PDZD2: variants seen among roughly 807,000 people sequenced by gnomAD.
PDZD2 encodes the protein PDZ domain-containing protein 2.
A neutral mutation model predicts 220.7 loss-of-function variants in PDZD2; 90 were observed. That is an observed-to-expected ratio of 0.41 (90% confidence interval 0.34 to 0.49). The LOEUF (loss-of-function observed/expected upper bound fraction) is 0.49. Among genes scored for constraint, PDZD2 ranks in the 20% least tolerant of loss-of-function variants. PDZD2 has a pLI of 0.28. For synonymous variants in PDZD2, 1,375 were observed against 1,450.5 expected (o/e 0.95, Z 1.18); for missense variants, 3,174 against 3,608.5 (o/e 0.88, Z 3.08).
chr5:31,935,255 A>G (rs150507979), intron 2 of PDZD2, among the ~76,000 whole-genome samples: 86 of 152,294 alleles, frequency 5.6e-4, no homozygotes, highest in Middle Eastern at 3.4e-3. Context: ...ACCTGCACCA[A>G]AGGTTTTTGG....
At chr5:31,981,332 T>C (rs1424377210) in intron 2 of PDZD2, among the ~76,000 whole-genome samples, 3 of 152,342 alleles carry the variant, frequency 2.0e-5, no homozygotes, top group East Asian at 1.9e-4. Context: ...ACAGTCACTG[T>C]CATTCCATTA....
chr5:31,688,200 G>A (rs1398105234), intron 1 of PDZD2, among the ~76,000 whole-genome samples: 1 of 151,882 alleles, frequency 6.6e-6, no homozygotes, highest in Admixed American at 6.6e-5. Flanking sequence ...GCCTCAGGGT[G>A]GTTGAGATCA....
intron 1 of PDZD2, among the ~76,000 whole-genome samples, chr5:31,745,225 T>C (rs763391861): frequency 5.3e-5 from 8 of 152,286 alleles, no homozygotes; most frequent in Non-Finnish European, 1.0e-4. Flanking sequence ...TTTGTGTTTA[T>C]TGTAGAAAAA....
intron 1 of PDZD2, among the ~76,000 whole-genome samples, chr5:31,789,448 T>C (rs1753573350): frequency 6.6e-6 from 1 of 152,222 alleles, no homozygotes; most frequent in Non-Finnish European, 1.5e-5. Context: ...GACATACCCT[T>C]CTTTCCATTC....
At chr5:31,708,843 A>G (rs1201272591) in intron 1 of PDZD2, among the ~76,000 whole-genome samples, 2 of 149,618 alleles carry the variant, frequency 1.3e-5, no homozygotes. Flanking sequence ...TGCAACTTGG[A>G]TCTTGATGGC....
chr5:31,989,954 C>G (rs1443387545), intron 3 of PDZD2, among the ~76,000 whole-genome samples: 1 of 152,216 alleles, frequency 6.6e-6, no homozygotes, highest in East Asian at 1.9e-4. Context: ...CTGTGGCCTT[C>G]AGGTTGCTGC....
At chr5:31,806,225 G>A (rs1010376531) in intron 2 of PDZD2, among the ~76,000 whole-genome samples, 11 of 152,216 alleles carry the variant, frequency 7.2e-5, no homozygotes, top group African/African-American at 2.7e-4. Context: ...TGTTAACTGT[G>A]AAAGGAGCAG....
intron 6 of PDZD2, among the ~76,000 whole-genome samples, chr5:32,019,035 A>T (rs1189884278): frequency 6.6e-6 from 1 of 150,886 alleles, no homozygotes; most frequent in Non-Finnish European, 1.5e-5. Flanking sequence ...CCTGTGGCAC[A>T]CTCTCAGGGG....
chr5:31,851,211 T>C (rs1441790326), intron 2 of PDZD2, among the ~76,000 whole-genome samples: 1 of 152,146 alleles, frequency 6.6e-6, no homozygotes, highest in African/African-American at 2.4e-5. Flanking sequence ...AGGCATCAGA[T>C]TGGACATACC....
intron 2 of PDZD2, among the ~76,000 whole-genome samples, chr5:31,933,396 G>A (rs1358120369): frequency 2.6e-5 from 4 of 152,122 alleles, no homozygotes; most frequent in East Asian, 1.9e-4. Flanking sequence ...TACAAATATC[G>A]AGGGTGTGAA....
At chr5:31,741,408 G>A (rs895763754) in intron 1 of PDZD2, among the ~76,000 whole-genome samples, 1 of 147,858 alleles carries the variant, frequency 6.8e-6, no homozygotes, top group Non-Finnish European at 1.5e-5. Flanking sequence ...TTTTTTAGAC[G>A]TTTGTTACTT....
At chr5:31,919,164 A>G (rs1743951541) in intron 2 of PDZD2, among the ~76,000 whole-genome samples, 1 of 152,188 alleles carries the variant, frequency 6.6e-6, no homozygotes, top group African/African-American at 2.4e-5. Context: ...CAGCTTGACA[A>G]ATGCCCACTG....
intron 2 of PDZD2, among the ~76,000 whole-genome samples, chr5:31,806,935 T>G (rs1398052922): frequency 6.6e-6 from 1 of 150,696 alleles, no homozygotes; most frequent in Admixed American, 6.6e-5. Context: ...GTCTTTGTTT[T>G]TTTTTTTTTT....
chr5:31,927,758 T>C (rs1361042978), intron 2 of PDZD2, among the ~76,000 whole-genome samples: 1 of 152,164 alleles, frequency 6.6e-6, no homozygotes, highest in Non-Finnish European at 1.5e-5. Flanking sequence ...AGAAGATCTA[T>C]GCTTATCTTT....
intron 2 of PDZD2, among the ~76,000 whole-genome samples, chr5:31,928,849 A>G (rs913110180): frequency 1.3e-5 from 2 of 152,182 alleles, no homozygotes; most frequent in African/African-American, 2.4e-5. Flanking sequence ...GTTTTGCCCT[A>G]TGTTTCCATT....
At chr5:31,870,052 T>C (rs1204783803) in intron 2 of PDZD2, among the ~76,000 whole-genome samples, 5 of 152,144 alleles carry the variant, frequency 3.3e-5, no homozygotes, top group Admixed American at 1.3e-4. Context: ...GCTGACCTCA[T>C]CATGTTGGCC....
rs770496245 is a variant in PDZD2, at chr5:31,799,352, G to T, written c.104G>T (p.Cys35Phe). Residue 35 changes from cysteine to phenylalanine, a missense_variant, in exon 2 of 25, where the codon TGC becomes TTC. Transcript: ENST00000438447. ...GGGGATGGGCCGGAGCAGCGGCTCT[G>T]CCAGGCGGCCATCCAGAAGCTGCAG... ...EGGDGPEQRL[C>F]QAAIQKLQEY... The T allele has an allele frequency of 1.9e-6, 3 of 1,614,206 alleles. No homozygotes were observed. Among genetic ancestry groups the T allele is most frequent in the Non-Finnish European group, 2.5e-6 (3 of 1,180,020 alleles).
At chr5:31,968,275 T>C (rs1748944845) in intron 2 of PDZD2, among the ~76,000 whole-genome samples, 1 of 152,176 alleles carries the variant, frequency 6.6e-6, no homozygotes, top group African/African-American at 2.4e-5. Flanking sequence ...GGAGAATGGC[T>C]TGAACCCGAG....
chr5:31,975,229 C>T (rs1419523866), intron 2 of PDZD2, among the ~76,000 whole-genome samples: 1 of 152,166 alleles, frequency 6.6e-6, no homozygotes, highest in African/African-American at 2.4e-5. Flanking sequence ...TTCCATGTGG[C>T]TGAGGAGGCC....
Sources: gnomAD v4.1 joint callset for allele counts (sites outside exome capture counted in the v4.1 genomes callset) on GRCh38, gnomAD v4.1.1 for gene constraint, MANE v1.5 for transcripts, NCBI Gene and HGNC (gene_info 2026-07-23, HGNC 2026-07-21) for gene names.